Variants in PTPRC observed in about 807,000 individuals in gnomAD.
The protein encoded by PTPRC is receptor-type tyrosine-protein phosphatase C.
A neutral mutation model predicts 155.9 loss-of-function variants in PTPRC; 44 were observed. That is an observed-to-expected ratio of 0.28 (90% CI 0.22 to 0.36). The LOEUF (loss-of-function observed/expected upper bound fraction) is 0.36, where lower values mean the gene tolerates loss of function less well. PTPRC is among the 10% of genes least tolerant of loss of function. PTPRC has a pLI of 1.00. For missense variants in PTPRC, 1,401 were observed against 1,564.6 expected (o/e 0.90, Z 1.76); for synonymous variants, 525 against 533.1 (o/e 0.98, Z 0.21).
intron 17 of PTPRC, among the ~76,000 whole-genome samples, chr1:198,730,292 T>G (rs1253961471): frequency 6.6e-6 from 1 of 152,132 alleles, no homozygotes; most frequent in Admixed American, 6.6e-5. Context: ...TAGGGCTGAA[T>G]CTTTGGAGCT....
intron 14 of PTPRC, among the ~76,000 whole-genome samples, chr1:198,718,795 C>T (rs1037611837): frequency 6.6e-6 from 1 of 152,124 alleles, no homozygotes; most frequent in Admixed American, 6.5e-5. Context: ...CATGTAACTT[C>T]ATAATATACA....
chr1:198,731,496 T>C (rs1415851495), intron 17 of PTPRC, 121 bp from the exon 18 acceptor site: 39 of 737,940 alleles, frequency 5.3e-5, no homozygotes, highest in Admixed American at 7.9e-5. Context: ...ATTTCTCAGA[T>C]GAAATGTGTA....
chr1:198,646,790 A>G (rs1255722278), intron 2 of PTPRC, among the ~76,000 whole-genome samples: 1 of 151,898 alleles, frequency 6.6e-6, no homozygotes, highest in Non-Finnish European at 1.5e-5. Flanking sequence ...CACACTTAGT[A>G]CCAATTTCTT....
At chr1:198,752,975 T>C (rs1023707354) in intron 31 of PTPRC, among the ~76,000 whole-genome samples, 9 of 152,046 alleles carry the variant, frequency 5.9e-5, no homozygotes, top group Non-Finnish European at 1.3e-4. Flanking sequence ...AGTGCAATAA[T>C]TTTAAGTTGT....
chr1:198,740,825 T>TA (rs1654866499), intron 23 of PTPRC, among the ~76,000 whole-genome samples: 1 of 151,898 alleles, frequency 6.6e-6, no homozygotes, highest in Admixed American at 6.6e-5. Context: ...TAGAGCTGTT[T>TA]AAAAAACTAC....
At position 198,696,925 on chromosome 1, in the gene PTPRC, T is replaced by C; in HGVS notation, c.298+16T>C. ...AATACCACAGGTTGGCACACAAAAGTTGTTAACTTAAATATCAGGGAATGT... is the reference window on the plus strand; with the variant it reads ...AATACCACAGGTTGGCACACAAAAGCTGTTAACTTAAATATCAGGGAATGT... On this transcript the variant is annotated intron_variant, in intron 4 of 32. Transcript: ENST00000442510. The C allele has an allele frequency of 6.3e-7, 1 of 1,598,440 alleles. No individual in the cohort carries two copies. The highest frequency in any genetic ancestry group is 8.6e-7 in the Non-Finnish European group (1 of 1,165,696).
chr1:198,722,378 G>A (rs1653933684), intron 14 of PTPRC, 38 bp from the exon 15 acceptor site: 1 of 1,139,480 alleles, frequency 8.8e-7, no homozygotes. Context: ...ATTCACATTA[G>A]CAAACTAATT....
chr1:198,692,354 C>G lies in PTPRC; in HGVS notation c.81C>G (p.Ser27Arg). 1 of 1,510,626 alleles carries G rather than the reference C, an allele frequency of 6.6e-7. No homozygotes were observed. Among genetic ancestry groups the G allele is most frequent in the Non-Finnish European group, 8.9e-7 (1 of 1,126,268 alleles). The allele number at this position is 1,510,626 out of a possible 1,614,324, so 93.6% of individuals were successfully genotyped here. A position where few individuals can be genotyped will look rare whatever the true frequency, so the allele number is the denominator to read the frequency against. Reference protein sequence around the residue: ...LDTEVFVTGQSPTPSPTGLTT... With the variant: ...LDTEVFVTGQRPTPSPTGLTT... ...TTTGTTTCTTCTTTGCAGGGCAAAG[C>G]CCAACACCTTCCCCCACTGGTAAGA... Residue 27 changes from serine (S) to arginine (R), a missense_variant, in exon 3 of 33, where the codon AGC becomes AGG. Ser to Arg is a moderately radical substitution (Grantham distance 110). Coordinates refer to ENST00000442510, the MANE Select transcript of PTPRC (RefSeq NM_002838.5).
chr1:198,711,959 T>G (rs72738050), intron 11 of PTPRC, among the ~76,000 whole-genome samples: 2,505 of 152,254 alleles, frequency 0.016, 34 homozygotes, highest in Middle Eastern at 0.02. Context: ...AACTTAAGAA[T>G]ACGGATACTA....
At chr1:198,703,190 C>T in intron 6 of PTPRC, 108 bp from the exon 7 acceptor site, 1 of 1,504,640 alleles carries the variant, frequency 6.6e-7, no homozygotes, top group East Asian at 2.3e-5. Flanking sequence ...AACGAGGACT[C>T]CTAGAGCAAA....
chr1:198,684,287 C>T (rs575123891), intron 2 of PTPRC, among the ~76,000 whole-genome samples: 3 of 151,666 alleles, frequency 2.0e-5, no homozygotes, highest in Non-Finnish European at 4.4e-5. Context: ...AAAATACCTA[C>T]AAATGCATTC....
chr1:198,717,169 TATTA>T (rs1295079407), intron 13 of PTPRC, among the ~76,000 whole-genome samples: 5 of 152,216 alleles, frequency 3.3e-5, no homozygotes, highest in Non-Finnish European at 2.9e-5. Context: ...TATCTGGAAA[TATTA>T]ATTGTAATCA....
intron 2 of PTPRC, among the ~76,000 whole-genome samples, chr1:198,661,229 T>A (rs1663943414): frequency 1.3e-5 from 2 of 151,788 alleles, no homozygotes; most frequent in South Asian, 4.1e-4. Context: ...TTTAGCATAA[T>A]TGTGGAATAT....
chr1:198,729,274 T>TGAGAC, intron 17 of PTPRC, 103 bp downstream of exon 17: 6 of 1,299,374 alleles, frequency 4.6e-6, no homozygotes, highest in South Asian at 1.8e-5. Flanking sequence ...CAGAGTCTCA[T>TGAGAC]TCTGTCTCCC....
chr1:198,702,608 T>C (rs865972659), intron 6 of PTPRC, 78 bp downstream of exon 6: 2 of 1,554,420 alleles, frequency 1.3e-6, no homozygotes, highest in South Asian at 2.2e-5. Flanking sequence ...GTAGCTCTTT[T>C]ATTTTGTGCC....
intron 2 of PTPRC, among the ~76,000 whole-genome samples, chr1:198,644,813 C>T (rs1557961986): frequency 6.6e-6 from 1 of 151,618 alleles, no homozygotes. Flanking sequence ...AGAGACCGAG[C>T]TTAAACAAAT....
At chr1:198,667,444 C>T (rs1664386650) in intron 2 of PTPRC, among the ~76,000 whole-genome samples, 1 of 151,938 alleles carries the variant, frequency 6.6e-6, no homozygotes, top group African/African-American at 2.4e-5. Flanking sequence ...TCCCAATGTA[C>T]AAAGACTGAA....
chr1:198,729,296 TG>T (rs1654283846), intron 17 of PTPRC, 125 bp downstream of exon 17: 1 of 1,206,978 alleles, frequency 8.3e-7, no homozygotes, highest in Non-Finnish European at 1.1e-6. Flanking sequence ...GGCTGAAGTG[TG>T]GTGGTGCAAT....
chr1:198,723,136 C>T (rs1653974075), intron 15 of PTPRC, among the ~76,000 whole-genome samples: 1 of 141,186 alleles, frequency 7.1e-6, no homozygotes, highest in Non-Finnish European at 1.6e-5. Flanking sequence ...TATATATAAA[C>T]AATATTGTAT....
Sources: gnomAD v4.1 joint callset for allele counts (sites outside exome capture counted in the v4.1 genomes callset) on GRCh38, gnomAD v4.1.1 for gene constraint, MANE v1.5 for transcripts, NCBI Gene and HGNC (gene_info 2026-07-23, HGNC 2026-07-21) for gene names.